The following ADHFE1 variants were observed in gnomAD, a reference collection of about 807,000 sequenced individuals.
ADHFE1 encodes hydroxyacid-oxoacid transhydrogenase, mitochondrial.
ADHFE1 carries 37 observed loss-of-function variants against 54.8 expected under a neutral mutation model. The ratio of observed to expected loss-of-function variants is 0.68; its 90% CI spans 0.52 to 0.89. The LOEUF is 0.89. Among genes scored for constraint, ADHFE1 ranks in the 40% least tolerant of loss-of-function variants. ADHFE1 has a pLI of 0.00. For missense variants in ADHFE1, 601 were observed against 591.2 expected (o/e 1.02, Z -0.17); for synonymous variants, 203 against 229.3 (o/e 0.89, Z 1.04).
In ADHFE1 at chr8:66,452,031, G is replaced by C. The variant is rs142276390; in HGVS notation, c.813G>C (p.Ala271=). The C allele has an allele frequency of 6.2e-7, 1 of 1,614,184 alleles. No homozygotes were observed. Among genetic ancestry groups the C allele is most frequent in the South Asian group, 1.1e-5 (1 of 91,088 alleles). ...CTTCAAATCCCATCACACGGCCTGC[G>C]TACCAGGGCAGCAACCCAATCAGTG... ...PCPSNPITRP[A]YQGSNPISDI... The change falls in exon 9 of 14, where the codon GCG becomes GCC. Residue 271 remains alanine (A), a synonymous_variant. Coordinates refer to ENST00000396623, the MANE Select transcript of ADHFE1 (RefSeq NM_144650.3).
intron 6 of ADHFE1, among the ~76,000 whole-genome samples, chr8:66,445,809 C>A (rs1327181523): frequency 1.3e-5 from 2 of 152,172 alleles, no homozygotes; most frequent in African/African-American, 4.8e-5. Flanking sequence ...TTGACTCAAC[C>A]TTTTCTTCTA....
At chr8:66,442,702 A>G in intron 2 of ADHFE1, 96 bp from the exon 3 acceptor site, 1 of 1,102,516 alleles carries the variant, frequency 9.1e-7, no homozygotes, top group Non-Finnish European at 1.3e-6. Context: ...TAAGACTTCA[A>G]AGGAAATACT....
chr8:66,461,685 C>T (rs1235459075), intron 13 of ADHFE1, among the ~76,000 whole-genome samples: 1 of 151,750 alleles, frequency 6.6e-6, no homozygotes, highest in Admixed American at 6.6e-5. Context: ...AGTTTATCAT[C>T]ACCAAGCAGA....
Position 66,468,267 on chromosome 8 carries a change from A to T in ADHFE1, c.1321-2A>T, listed in dbSNP as rs1265928354. 6.2e-7 allele frequency: 1 copy of T among 1,609,256 alleles called. No homozygotes were observed. Among genetic ancestry groups the T allele is most frequent in the Admixed American group, 1.7e-5 (1 of 58,892 alleles). On this transcript the variant is annotated splice_acceptor_variant, in intron 13 of 13. Coordinates refer to ENST00000396623, the MANE Select transcript of ADHFE1 (RefSeq NM_144650.3). LOFTEE classifies it high-confidence loss of function. The stretch of plus-strand genomic sequence containing the variant: ...GGTAACTTCTTTCATTTACTGTTTC[A>T]GGAAAGGGTCACCAAGCTTGCACCC...
At chr8:66,438,870 A>T (rs1379479428) in intron 1 of ADHFE1, among the ~76,000 whole-genome samples, 1 of 151,880 alleles carries the variant, frequency 6.6e-6, no homozygotes, top group Non-Finnish European at 1.5e-5. Flanking sequence ...TGGGGAAGAA[A>T]AAAAAAAGGT....
At position 66,457,121 on chromosome 8, in the gene ADHFE1, G is replaced by A. The variant is rs751588736; in HGVS notation, c.1117G>A (p.Ala373Thr). 29 of 1,613,698 alleles carry A rather than the reference G, an allele frequency of 1.8e-5. No individual in the cohort carries two copies. In the South Asian group the frequency reaches 2.9e-4, roughly 16 times the overall value. ...LTSPAVFTFT[A>T]QMFPERHLEM... The stretch of plus-strand genomic sequence containing the variant: ...GTCCCCAGCGGTGTTCACTTTCACG[G>A]CCCAGATGTTTCCAGAGCGACACCT... Residue 373 changes from alanine (A) to threonine (T), a missense_variant, in exon 12 of 14, where the codon GCC (alanine) becomes ACC (threonine). Coordinates refer to ENST00000396623, the MANE Select transcript of ADHFE1 (RefSeq NM_144650.3).
In ADHFE1 at chr8:66,468,334, T is replaced by C. The variant is rs1181938370; in HGVS notation, c.1386T>C (p.Ala462=). Residue 462 remains alanine, a synonymous_variant, in exon 14 of 14, where the codon GCT becomes GCC. Transcript: ENST00000396623. ...SEEDLAALFE[A]SMKLY is the part of the protein sequence containing the mutation. ...AGGATCTGGCTGCTCTGTTTGAAGC[T>C]TCAATGAAACTGTATTAATTGTCAT... 3 of 1,613,174 alleles carry C rather than the reference T, an allele frequency of 1.9e-6. No individual in the cohort carries two copies. The highest frequency in any genetic ancestry group is 2.5e-6 in the Non-Finnish European group (3 of 1,179,538).
At chr8:66,433,716 G>T (rs1316421092) in intron 1 of ADHFE1, among the ~76,000 whole-genome samples, 1 of 152,192 alleles carries the variant, frequency 6.6e-6, no homozygotes, top group Non-Finnish European at 1.5e-5. Context: ...ATTAAACACT[G>T]ATACCTTAAA....
intron 1 of ADHFE1, among the ~76,000 whole-genome samples, chr8:66,436,939 G>C (rs899056843): frequency 6.6e-6 from 1 of 152,190 alleles, no homozygotes; most frequent in African/African-American, 2.4e-5. Flanking sequence ...GGAGGATGCC[G>C]CTGACACATC....
intron 10 of ADHFE1, among the ~76,000 whole-genome samples, chr8:66,455,472 G>A (rs944299832): frequency 6.6e-5 from 10 of 152,198 alleles, no homozygotes; most frequent in Non-Finnish European, 8.8e-5. Context: ...TAGGGTGAGC[G>A]CAAGGAATGA....
At chr8:66,461,176 T>A (rs1806878320) in intron 13 of ADHFE1, among the ~76,000 whole-genome samples, 1 of 152,174 alleles carries the variant, frequency 6.6e-6, no homozygotes, top group African/African-American at 2.4e-5. Context: ...CAATTCACCA[T>A]AAAGCAGAGA....
chr8:66,462,638 T>C (rs1308501134), intron 13 of ADHFE1, among the ~76,000 whole-genome samples: 1 of 152,228 alleles, frequency 6.6e-6, no homozygotes, highest in East Asian at 1.9e-4. Context: ...CAAAAGGTTC[T>C]GTTTGTTTAG....
In ADHFE1 at chr8:66,460,444, A is replaced by G; in HGVS notation, c.1299A>G (p.Leu433=). ...ACTCCAAAGCTGATATCCCCGCACT[A>G]GTGAAAGGAACGCTGCCCCAGGTAA... The part of the protein sequence containing the change: ...VGYSKADIPA[L]VKGTLPQERV... The change falls in exon 13 of 14, where the codon CTA becomes CTG. Residue 433 remains leucine (L), a synonymous_variant. Coordinates refer to ENST00000396623, the MANE Select transcript of ADHFE1 (RefSeq NM_144650.3). The G allele has an allele frequency of 6.3e-7, 1 of 1,592,756 alleles. No individual in the cohort carries two copies. The highest frequency in any genetic ancestry group is 8.6e-7 in the Non-Finnish European group (1 of 1,164,192).
chr8:66,451,811 G>A (rs902051201), intron 8 of ADHFE1, 142 bp from the exon 9 acceptor site: 1 of 892,450 alleles, frequency 1.1e-6, no homozygotes, highest in African/African-American at 1.7e-5. Flanking sequence ...TGGGCTGGTA[G>A]AATGTACTGT....
At chr8:66,445,518 T>A in intron 6 of ADHFE1, 104 bp downstream of exon 6, 1 of 1,154,302 alleles carries the variant, frequency 8.7e-7, no homozygotes, top group Non-Finnish European at 1.2e-6. Context: ...GAAAGCTTTC[T>A]GGTTTGTTCA....
At position 66,468,627 on chromosome 8, in the gene ADHFE1, G is replaced by A; in HGVS notation, c.*275G>A. ...ACCCCACACAGAATACTCTGCCTCT[G>A]TTTCATGTAGCAAATGAGCAAAAAC... is the stretch of plus-strand genomic sequence containing the variant. On this transcript the variant is annotated 3_prime_UTR_variant, in exon 14 of 14. Transcript: ENST00000396623. 1 of 211,790 alleles carries A rather than the reference G, an allele frequency of 4.7e-6. No individual in the cohort carries two copies. Among genetic ancestry groups the A allele is most frequent in the South Asian group, 1.3e-4 (1 of 7,552 alleles). The allele number at this position is 211,790 out of a possible 1,614,324, so 13.1% of individuals were successfully genotyped here.
rs547671623 is a variant in ADHFE1 at position 66,432,541 on chromosome 8, G to C, written c.25G>C (p.Val9Leu). The C allele has an allele frequency of 1.5e-4, 208 of 1,360,550 alleles. No homozygotes were observed. Among genetic ancestry groups the C allele is most frequent in the Non-Finnish European group, 1.9e-4 (196 of 1,045,920 alleles). 84.3% of individuals were successfully genotyped at this position (1,360,550 alleles called of 1,614,324 possible). A position where few individuals can be genotyped will look rare whatever the true frequency, so the allele number is the denominator to read the frequency against. Residue 9 changes from valine (V) to leucine (L), a missense_variant, in exon 1 of 14, where the codon GTC becomes CTC. Coordinates refer to ENST00000396623, the MANE Select transcript of ADHFE1 (RefSeq NM_144650.3). ...CATGGCCGCTGCCGCCCGAGCCCGG[G>C]TCGCGTACTTGCTGAGGCAACTGCA... is the stretch of plus-strand genomic sequence containing the variant. MAAAARAR[V>L]AYLLRQLQRA...
At chr8:66,441,187 T>A (rs1237921935) in intron 2 of ADHFE1, among the ~76,000 whole-genome samples, 2 of 152,218 alleles carry the variant, frequency 1.3e-5, no homozygotes, top group Non-Finnish European at 2.9e-5. Context: ...TTCTCATTGT[T>A]TTCCAGGATC....
chr8:66,467,396 C>T (rs1229055550), intron 13 of ADHFE1, among the ~76,000 whole-genome samples: 2 of 152,036 alleles, frequency 1.3e-5, no homozygotes, highest in African/African-American at 4.8e-5. Flanking sequence ...CAGTATCCCC[C>T]TCCCCACCAT....
Sources: gnomAD v4.1 joint callset for allele counts (sites outside exome capture counted in the v4.1 genomes callset) on GRCh38, gnomAD v4.1.1 for gene constraint, MANE v1.5 for transcripts, NCBI Gene and HGNC (gene_info 2026-07-23, HGNC 2026-07-21) for gene names.